Variants in FOXN3 observed in about 807,000 individuals in gnomAD.
FOXN3 encodes the protein forkhead box protein N3.
In FOXN3, 7 loss-of-function variants were observed where a neutral mutation model predicts 38.4. The observed-to-expected ratio is 0.18, with a 90% CI of 0.10 to 0.34. The LOEUF (loss-of-function observed/expected upper bound fraction) is 0.34, where lower values mean the gene tolerates loss of function less well. Ranked by LOEUF, FOXN3 falls within the 10% of genes least tolerant of loss-of-function variation. The probability of loss-of-function intolerance (pLI) is 1.00; values close to 1 mark genes in which losing one functional copy is unlikely to be tolerated. For synonymous variants in FOXN3, 230 were observed against 242.2 expected, an observed-to-expected ratio of 0.95 and a Z score of 0.47; for missense variants, 456 against 613.4, an observed-to-expected ratio of 0.74 and a Z score of 2.71.
At chr14:89,166,902 G>A (rs1216991293) in intron 5 of FOXN3, among the ~76,000 whole-genome samples, 3 of 152,204 alleles carry the variant, frequency 2.0e-5, no homozygotes, top group Non-Finnish European at 4.4e-5. Context: ...GCCATTACAG[G>A]ACAACAAATG....
intron 1 of FOXN3, among the ~76,000 whole-genome samples, chr14:89,528,376 C>CTTTTGTTT (rs1894474781): frequency 1.9e-5 from 1 of 53,550 alleles, no homozygotes; most frequent in Non-Finnish European, 3.4e-5. Context: ...ATGGATGAAT[C>CTTTTGTTT]TTTTTTTTTT....
rs531136985 is a variant in FOXN3 at position 89,222,040 on chromosome 14, T to C, written c.746-41234A>G. Reference sequence around the variant, plus strand: ...GGTTTCACCGCGTTAGCCAGGATAGTCTCCTGACCTCGTGATCTGCCCGCC... The same window carrying C: ...GGTTTCACCGCGTTAGCCAGGATAGCCTCCTGACCTCGTGATCTGCCCGCC... On this transcript the variant is annotated intron_variant, in intron 4 of 5. Transcript: ENST00000557258. Among the ~76,000 whole-genome samples, 5 of 152,280 alleles carry C rather than the reference T, an allele frequency of 3.3e-5. No homozygotes were observed. In the South Asian group the frequency reaches 8.3e-4, roughly 25 times the overall value.
At chr14:89,475,833 G>A (rs1893199187) in intron 1 of FOXN3, among the ~76,000 whole-genome samples, 1 of 152,124 alleles carries the variant, frequency 6.6e-6, no homozygotes, top group Non-Finnish European at 1.5e-5. Context: ...ACAGAACTTG[G>A]TACTACCCGA....
At chr14:89,350,952 C>T (rs1445752224) in intron 2 of FOXN3, 144 bp from the exon 3 acceptor site, 1 of 500,740 alleles carries the variant, frequency 2.0e-6, no homozygotes, top group Admixed American at 4.4e-5. Context: ...ATTATACTGA[C>T]AGTAGAACTC....
intron 4 of FOXN3, among the ~76,000 whole-genome samples, chr14:89,279,155 TTC>T (rs1205023106): frequency 6.6e-6 from 1 of 152,214 alleles, no homozygotes; most frequent in East Asian, 1.9e-4. Flanking sequence ...ATCAAGATTC[TTC>T]TGATTTTCAA....
Position 89,472,377 on chromosome 14 carries a change from T to C in FOXN3, c.-14-59887A>G, listed in dbSNP as rs548842179. 2.6e-5 allele frequency among the ~76,000 whole-genome samples: 4 copies of C among 152,160 alleles called. No individual in the cohort carries two copies. The South Asian group carries it at 8.3e-4, about 32-fold the overall frequency. ...TGTGCACAACTCAGCCGCCCAGAAGTGACCTTCTTCTTCCAAGTTGGTAAT... is the reference window on the plus strand; with the variant it reads ...TGTGCACAACTCAGCCGCCCAGAAGCGACCTTCTTCTTCCAAGTTGGTAAT... On this transcript the variant is annotated intron_variant, in intron 1 of 6. Transcript: ENST00000345097.
At chr14:89,521,135 C>A (rs1894307057) in intron 1 of FOXN3, among the ~76,000 whole-genome samples, 1 of 152,036 alleles carries the variant, frequency 6.6e-6, no homozygotes, top group African/African-American at 2.4e-5. Context: ...CGTGGTGAAA[C>A]CCCGTCTCTA....
chr14:89,581,614 C>A (rs918134544), intron 1 of FOXN3, among the ~76,000 whole-genome samples: 3 of 152,158 alleles, frequency 2.0e-5, no homozygotes, highest in African/African-American at 4.8e-5. Flanking sequence ...CCAAGTGGGA[C>A]CACAGGAGTG....
chr14:89,165,046 C>T (rs1887204939), intron 5 of FOXN3, among the ~76,000 whole-genome samples: 1 of 152,140 alleles, frequency 6.6e-6, no homozygotes, highest in Non-Finnish European at 1.5e-5. Context: ...AAAACTCAGC[C>T]TTTGCTAGAT....
chr14:89,559,210 T>C (rs1378563131), intron 1 of FOXN3, among the ~76,000 whole-genome samples: 1 of 151,760 alleles, frequency 6.6e-6, no homozygotes, highest in Non-Finnish European at 1.5e-5. Context: ...CCCAACCCCA[T>C]CTCTGCAAAA....
intron 1 of FOXN3, among the ~76,000 whole-genome samples, chr14:89,541,029 A>C (rs1894782293): frequency 6.6e-6 from 1 of 152,228 alleles, no homozygotes; most frequent in Non-Finnish European, 1.5e-5. Flanking sequence ...GTATGTTAGA[A>C]TTGGAAGAAT....
chr14:89,486,013 G>A (rs370298445), intron 1 of FOXN3, among the ~76,000 whole-genome samples: 4 of 152,032 alleles, frequency 2.6e-5, no homozygotes, highest in South Asian at 2.1e-4. Flanking sequence ...AGGAACTACC[G>A]CTAGCTCATA....
chr14:89,404,457 A>G (rs1266677348), intron 2 of FOXN3, among the ~76,000 whole-genome samples: 1 of 132,696 alleles, frequency 7.5e-6, no homozygotes, highest in Non-Finnish European at 1.6e-5. Flanking sequence ...GTGAGCCGAG[A>G]TTGCACCACT....
chr14:89,411,059 T>A (rs12882654), intron 2 of FOXN3, among the ~76,000 whole-genome samples: 55,546 of 152,064 alleles, frequency 0.37, 12,662 homozygotes, highest in Admixed American at 0.51. Context: ...AGGTCAGCAT[T>A]GCCACCTGAG....
rs1227961556 is a variant in FOXN3, at chr14:89,255,340, G to T, written c.745+25610C>A. On this transcript the variant is annotated intron_variant, in intron 4 of 5. Transcript: ENST00000557258. Reference sequence around the variant, plus strand: ...TCAAACACAAGGAAACCGGCTCTCTGTATTTAAATCAGGCACCAGCTGCCT... The same window carrying T: ...TCAAACACAAGGAAACCGGCTCTCTTTATTTAAATCAGGCACCAGCTGCCT... Among the ~76,000 whole-genome samples, 3 of 152,058 alleles carry T rather than the reference G, an allele frequency of 2.0e-5. No individual in the cohort carries two copies. In the East Asian group the frequency reaches 5.8e-4, roughly 29 times the overall value.
chr14:89,216,683 C>T (rs1884294694), intron 4 of FOXN3, among the ~76,000 whole-genome samples: 1 of 152,206 alleles, frequency 6.6e-6, no homozygotes, highest in Non-Finnish European at 1.5e-5. Context: ...TGTCCCCCAG[C>T]CAGGTTCTCA....
chr14:89,471,108 G>A (rs577259250), intron 1 of FOXN3, among the ~76,000 whole-genome samples: 10 of 152,270 alleles, frequency 6.6e-5, no homozygotes, highest in Non-Finnish European at 1.2e-4. Context: ...GCCAGGAGGC[G>A]GGAGGCTGCA....
intron 2 of FOXN3, among the ~76,000 whole-genome samples, chr14:89,396,703 A>G (rs991914896): frequency 6.6e-6 from 1 of 152,140 alleles, no homozygotes; most frequent in African/African-American, 2.4e-5. Context: ...GTGGTGGCAG[A>G]TGCCTGTAAT....
intron 1 of FOXN3, among the ~76,000 whole-genome samples, chr14:89,452,100 G>A (rs1055076769): frequency 6.6e-6 from 1 of 152,130 alleles, no homozygotes; most frequent in Non-Finnish European, 1.5e-5. Flanking sequence ...ATACTAGTGT[G>A]TCAATGACTG....
Sources: gnomAD v4.1 joint callset for allele counts (sites outside exome capture counted in the v4.1 genomes callset) on GRCh38, gnomAD v4.1.1 for gene constraint, MANE v1.5 for transcripts, NCBI Gene and HGNC (gene_info 2026-07-23, HGNC 2026-07-21) for gene names.